UEVLD: variants seen among roughly 807,000 people sequenced by gnomAD.
The protein encoded by UEVLD is UEV and lactate/malate dehyrogenase domains.
In UEVLD, 47 loss-of-function variants were observed where a neutral mutation model predicts 58.6. The ratio of observed to expected loss-of-function variants is 0.80; its 90% CI spans 0.63 to 1.02. The LOEUF (loss-of-function observed/expected upper bound fraction) is 1.02. Ranked by LOEUF, UEVLD falls within the 50% of genes least tolerant of loss-of-function variation. The pLI is 0.00. For missense variants in UEVLD, 510 were observed against 550.6 expected (o/e 0.93, Z 0.74); for synonymous variants, 197 against 195.3 (o/e 1.01, Z -0.07).
intron 9 of UEVLD, among the ~76,000 whole-genome samples, chr11:18,543,402 T>C (rs1445969873): frequency 6.6e-6 from 1 of 152,228 alleles, no homozygotes; most frequent in Non-Finnish European, 1.5e-5. Context: ...ACATTTTTTA[T>C]CCCATGAACA....
At chr11:18,556,876 T>C (rs1017852350) in intron 7 of UEVLD, among the ~76,000 whole-genome samples, 3 of 152,004 alleles carry the variant, frequency 2.0e-5, no homozygotes, top group African/African-American at 4.8e-5. Flanking sequence ...GCAGATCACT[T>C]GAGTCCAGGA....
rs558034106 is a variant in UEVLD at position 18,581,019 on chromosome 11, G to A, written c.43-2211C>T. ...CTCTAATAAAAATACAAAATTAGCCGGGCATGGTGGCAGGCGACTATAATC... is the reference window on the plus strand; with the variant it reads ...CTCTAATAAAAATACAAAATTAGCCAGGCATGGTGGCAGGCGACTATAATC... On this transcript the variant is annotated intron_variant, in intron 1 of 11. Transcript: ENST00000396197. 1.3e-4 allele frequency among the ~76,000 whole-genome samples: 20 copies of A among 152,064 alleles called. 1 individual carries two copies. Among genetic ancestry groups the A allele is most frequent in the South Asian group, 6.2e-4 (3 of 4,814 alleles).
chr11:18,583,047 C>T (rs562217716), intron 1 of UEVLD, among the ~76,000 whole-genome samples: 15 of 151,966 alleles, frequency 9.9e-5, no homozygotes, highest in African/African-American at 3.4e-4. Context: ...CTCAGCCTCC[C>T]GAGTAGCTGG....
intron 6 of UEVLD, among the ~76,000 whole-genome samples, chr11:18,560,314 A>T (rs896178945): frequency 6.6e-6 from 1 of 152,168 alleles, no homozygotes; most frequent in Non-Finnish European, 1.5e-5. Flanking sequence ...CCATACCCAT[A>T]AGGAAAATGC....
At chr11:18,582,318 CTGTTT>C (rs1291304075) in intron 1 of UEVLD, among the ~76,000 whole-genome samples, 3 of 151,696 alleles carry the variant, frequency 2.0e-5, no homozygotes, top group African/African-American at 7.3e-5. Flanking sequence ...ATTTCATTTG[CTGTTT>C]TGTTTTGACA....
chr11:18,543,449 T>C (rs138478613), intron 9 of UEVLD, among the ~76,000 whole-genome samples: 3 of 152,358 alleles, frequency 2.0e-5, no homozygotes, highest in East Asian at 1.9e-4. Context: ...CTAATTCTGA[T>C]TTCCCATTCC....
At chr11:18,586,520 C>T (rs1853570620) in intron 1 of UEVLD, among the ~76,000 whole-genome samples, 1 of 151,934 alleles carries the variant, frequency 6.6e-6, no homozygotes, top group Admixed American at 6.6e-5. Context: ...CCTGGCCTTA[C>T]ATTTATTTCT....
At chr11:18,546,423 T>A (rs1851302965) in intron 8 of UEVLD, among the ~76,000 whole-genome samples, 1 of 152,186 alleles carries the variant, frequency 6.6e-6, no homozygotes, top group Non-Finnish European at 1.5e-5. Context: ...CACTGTTTAT[T>A]ATATAGGCAA....
intron 1 of UEVLD, 67 bp downstream of exon 1, chr11:18,588,546 G>C: frequency 6.4e-7 from 1 of 1,572,666 alleles, no homozygotes. Flanking sequence ...GAGGCAACCT[G>C]GCCAAAGGCA....
At chr11:18,566,246 C>T (rs961823779) in intron 5 of UEVLD, 101 bp downstream of exon 5, 1 of 1,530,308 alleles carries the variant, frequency 6.5e-7, no homozygotes, top group East Asian at 2.3e-5. Flanking sequence ...CATACGCACA[C>T]AAATTTATTT....
At chr11:18,540,903 C>G (rs1488442608) in intron 9 of UEVLD, among the ~76,000 whole-genome samples, 1 of 152,210 alleles carries the variant, frequency 6.6e-6, no homozygotes, top group African/African-American at 2.4e-5. Flanking sequence ...GCAATCAACA[C>G]AGTGTTTATT....
intron 5 of UEVLD, among the ~76,000 whole-genome samples, chr11:18,565,531 A>G (rs1334327118): frequency 6.6e-6 from 1 of 152,236 alleles, no homozygotes; most frequent in Non-Finnish European, 1.5e-5. Context: ...CCAATTCTTT[A>G]CACTTTAAGA....
chr11:18,564,004 A>T (rs1461195280), intron 6 of UEVLD: 10 of 70,564 alleles, frequency 1.4e-4, no homozygotes, highest in Admixed American at 1.4e-3. Context: ...GACTCCACCT[A>T]AAAAAAAAAA....
intron 8 of UEVLD, among the ~76,000 whole-genome samples, chr11:18,546,084 T>TA (rs916301541): frequency 3.3e-5 from 5 of 152,098 alleles, no homozygotes; most frequent in African/African-American, 4.8e-5. Flanking sequence ...TGGGAACATT[T>TA]AAAAAAAATC....
intron 2 of UEVLD, 78 bp from the exon 3 acceptor site, chr11:18,575,490 ATGTG>A: frequency 1.4e-6 from 2 of 1,383,848 alleles, no homozygotes; most frequent in Non-Finnish European, 2.0e-6. Context: ...AAGTGTGCAC[ATGTG>A]TGTGCTCATG....
At position 18,578,818 on chromosome 11, in the gene UEVLD, G is replaced by T; in HGVS notation, c.43-10C>A. ...GGTCCCTGAACTTGTACTGAAAAGA[G>T]AAAAATAAGCATGGAGTAAGAATAA... is the stretch of plus-strand genomic sequence containing the variant. On this transcript the variant is annotated splice_polypyrimidine_tract_variant and intron_variant, in intron 1 of 11. Coordinates refer to ENST00000396197, the MANE Select transcript of UEVLD (RefSeq NM_001040697.4). 2 of 1,557,646 alleles carry T rather than the reference G, an allele frequency of 1.3e-6. No individual in the cohort carries two copies. Among genetic ancestry groups the T allele is most frequent in the Non-Finnish European group, 1.7e-6 (2 of 1,148,284 alleles).
At chr11:18,561,398 G>T (rs1360002301) in intron 6 of UEVLD, among the ~76,000 whole-genome samples, 2 of 149,726 alleles carry the variant, frequency 1.3e-5, no homozygotes, top group East Asian at 3.9e-4. Context: ...GTGAGTTCCA[G>T]ACCAGCCTAC....
chr11:18,560,374 A>G (rs970264121), intron 6 of UEVLD, among the ~76,000 whole-genome samples: 2 of 152,216 alleles, frequency 1.3e-5, no homozygotes, highest in African/African-American at 4.8e-5. Flanking sequence ...AAAAAAATCC[A>G]AAAGTTTAGC....
intron 3 of UEVLD, among the ~76,000 whole-genome samples, chr11:18,573,764 G>C (rs1024608583): frequency 2.0e-5 from 3 of 152,176 alleles, no homozygotes; most frequent in Non-Finnish European, 4.4e-5. Flanking sequence ...ATGACTGGGG[G>C]TGGGGAGTGG....
Sources: gnomAD v4.1 joint callset for allele counts (sites outside exome capture counted in the v4.1 genomes callset) on GRCh38, gnomAD v4.1.1 for gene constraint, MANE v1.5 for transcripts, NCBI Gene and HGNC (gene_info 2026-07-23, HGNC 2026-07-21) for gene names.